The following SLC35F3 variants were observed in gnomAD, a reference collection of about 807,000 sequenced individuals.
SLC35F3 encodes solute carrier family 35 member F3.
Under a neutral mutation model 49.9 loss-of-function variants are expected in SLC35F3, and 25 were observed. The ratio of observed to expected loss-of-function variants is 0.50; its 90% CI spans 0.37 to 0.70. The LOEUF is 0.70. SLC35F3 is among the 30% of genes least tolerant of loss of function. The probability of loss-of-function intolerance (pLI) is 0.00; values close to 1 mark genes in which losing one functional copy is unlikely to be tolerated. For synonymous variants in SLC35F3, 275 were observed against 265.4 expected, an observed-to-expected ratio of 1.04 and a Z score of -0.35; for missense variants, 525 against 639.8, an observed-to-expected ratio of 0.82 and a Z score of 1.94.
chr1:234,054,850 T>G (rs926582899), intron 2 of SLC35F3, among the ~76,000 whole-genome samples: 1 of 152,180 alleles, frequency 6.6e-6, no homozygotes, highest in African/African-American at 2.4e-5. Context: ...TGTTTGTTAG[T>G]TTTCCTTCTA....
chr1:234,196,648 G>A (rs1394229032), intron 2 of SLC35F3, among the ~76,000 whole-genome samples: 1 of 152,254 alleles, frequency 6.6e-6, no homozygotes, highest in Non-Finnish European at 1.5e-5. Context: ...TCCTGTCAAA[G>A]ACAAACATAG....
At chr1:234,083,401 T>C (rs1273171116) in intron 2 of SLC35F3, among the ~76,000 whole-genome samples, 13 of 152,232 alleles carry the variant, frequency 8.5e-5, no homozygotes. Flanking sequence ...CATTTTGTTT[T>C]CTGACACACA....
intron 3 of SLC35F3, among the ~76,000 whole-genome samples, chr1:234,307,872 C>T (rs1657237912): frequency 6.6e-6 from 1 of 152,156 alleles, no homozygotes; most frequent in South Asian, 2.1e-4. Context: ...TCTTCACTCC[C>T]CAACAGTCAA....
chr1:234,060,451 T>C (rs1664523532), intron 2 of SLC35F3, among the ~76,000 whole-genome samples: 1 of 152,198 alleles, frequency 6.6e-6, no homozygotes, highest in Non-Finnish European at 1.5e-5. Flanking sequence ...TGTATTTATT[T>C]ATTTATTTAT....
chr1:234,285,953 C>T (rs142497266), intron 3 of SLC35F3, among the ~76,000 whole-genome samples: 2 of 152,190 alleles, frequency 1.3e-5, no homozygotes, highest in Non-Finnish European at 2.9e-5. Flanking sequence ...GGAAATTTCT[C>T]GGGACTTATA....
chr1:234,008,949 G>C (rs557584503), intron 2 of SLC35F3, among the ~76,000 whole-genome samples: 3 of 152,162 alleles, frequency 2.0e-5, no homozygotes, highest in African/African-American at 7.2e-5. Context: ...CTTTTTTCTG[G>C]AGATAAAGGG....
chr1:234,044,337 A>G (rs1222148594), intron 2 of SLC35F3, among the ~76,000 whole-genome samples: 2 of 152,246 alleles, frequency 1.3e-5, no homozygotes, highest in African/African-American at 4.8e-5. Flanking sequence ...GGATTCTGTT[A>G]TAGCAACACA....
intron 2 of SLC35F3, among the ~76,000 whole-genome samples, chr1:234,158,325 G>T (rs1053258409): frequency 6.6e-5 from 10 of 152,136 alleles, no homozygotes; most frequent in African/African-American, 2.2e-4. Context: ...AAAAACTTCA[G>T]AAGATATGAA....
chr1:234,211,867 CA>C (rs1477187393), intron 2 of SLC35F3, among the ~76,000 whole-genome samples: 1 of 152,070 alleles, frequency 6.6e-6, no homozygotes, highest in African/African-American at 2.4e-5. Context: ...TGGGAGGTGC[CA>C]GGGGTAGAAT....
At chr1:234,120,896 T>A (rs1411496546) in intron 2 of SLC35F3, among the ~76,000 whole-genome samples, 1 of 152,178 alleles carries the variant, frequency 6.6e-6, no homozygotes, top group African/African-American at 2.4e-5. Flanking sequence ...TCTAATCAAT[T>A]CTCACTAATG....
At chr1:234,180,815 T>C (rs1361984777) in intron 2 of SLC35F3, among the ~76,000 whole-genome samples, 2 of 152,238 alleles carry the variant, frequency 1.3e-5, no homozygotes, top group Non-Finnish European at 2.9e-5. Flanking sequence ...ATTTAATTTT[T>C]ATTAATTTAA....
chr1:234,319,857 A>G (rs1313246437), intron 6 of SLC35F3, among the ~76,000 whole-genome samples: 2 of 152,232 alleles, frequency 1.3e-5, no homozygotes, highest in Non-Finnish European at 2.9e-5. Flanking sequence ...TACCATTTCC[A>G]AACTTATTTC....
intron 2 of SLC35F3, among the ~76,000 whole-genome samples, chr1:233,985,708 C>T (rs900857280): frequency 4.6e-5 from 7 of 152,236 alleles, no homozygotes; most frequent in South Asian, 4.1e-4. Flanking sequence ...TTTATTGGAA[C>T]GTTTTAAATG....
intron 2 of SLC35F3, among the ~76,000 whole-genome samples, chr1:234,080,135 C>G (rs1664853652): frequency 6.6e-6 from 1 of 152,166 alleles, no homozygotes; most frequent in Non-Finnish European, 1.5e-5. Flanking sequence ...TGAGCGTTCA[C>G]TTAATCACCC....
At chr1:234,281,364 G>A (rs570672056) in intron 3 of SLC35F3, among the ~76,000 whole-genome samples, 7 of 152,256 alleles carry the variant, frequency 4.6e-5, no homozygotes, top group South Asian at 2.1e-4. Context: ...CTTCCAAATC[G>A]TGAACAAATA....
intron 3 of SLC35F3, among the ~76,000 whole-genome samples, chr1:234,304,604 G>C (rs1284390739): frequency 6.6e-6 from 1 of 152,032 alleles, no homozygotes; most frequent in Non-Finnish European, 1.5e-5. Flanking sequence ...TAGTCCTTCG[G>C]TTCAGCTCAA....
chr1:233,911,595 TTGCCATGGGGTTATAAACCCTTCGCATC>T (rs1661875318), intron 2 of SLC35F3, among the ~76,000 whole-genome samples: 1 of 152,234 alleles, frequency 6.6e-6, no homozygotes, highest in South Asian at 2.1e-4. Context: ...ACTTAGATCA[TTGCCATGGGGTTATAAACCCTTCGCATC>T]TGCCATGGGG....
At chr1:234,130,642 C>CAAAAA (rs35859323) in intron 2 of SLC35F3, among the ~76,000 whole-genome samples, 7 of 125,822 alleles carry the variant, frequency 5.6e-5, no homozygotes, top group African/African-American at 1.5e-4. Flanking sequence ...GAGACTCTGT[C>CAAAAA]AAAAAAAAAA....
rs117389584 is a variant in SLC35F3, at chr1:234,160,945, T to C, written c.284-70472T>C. Among the ~76,000 whole-genome samples, 1,289 of 152,340 alleles carry C rather than the reference T, an allele frequency of 8.5e-3. 56 individuals are homozygous for C. The highest frequency in any genetic ancestry group is 0.069 in the Admixed American group (1,061 of 15,306). Reference sequence around the variant, plus strand: ...TCAACAATGCCATGTATGTCATCCATAAAATGCTAAATTAATAGGGTCAGG... The same window carrying C: ...TCAACAATGCCATGTATGTCATCCACAAAATGCTAAATTAATAGGGTCAGG... On this transcript the variant is annotated intron_variant, in intron 2 of 7. Coordinates refer to ENST00000366618, the MANE Select transcript of SLC35F3 (RefSeq NM_173508.4).
Sources: gnomAD v4.1 joint callset for allele counts (sites outside exome capture counted in the v4.1 genomes callset) on GRCh38, gnomAD v4.1.1 for gene constraint, MANE v1.5 for transcripts, NCBI Gene and HGNC (gene_info 2026-07-23, HGNC 2026-07-21) for gene names.